The following KIAA1671 variants were observed in gnomAD, a reference collection of about 807,000 sequenced individuals.
KIAA1671 encodes the protein KIAA1671.
A neutral mutation model predicts 131.2 loss-of-function variants in KIAA1671; 52 were observed. That is an observed-to-expected ratio of 0.40 (90% CI 0.32 to 0.50). KIAA1671 has a LOEUF of 0.50. Ranked by LOEUF, KIAA1671 falls within the 20% of genes least tolerant of loss-of-function variation. The probability of loss-of-function intolerance (pLI) is 0.73; values close to 1 mark genes in which losing one functional copy is unlikely to be tolerated. For synonymous variants in KIAA1671, 1,003 were observed against 961.6 expected (o/e 1.04, Z -0.80); for missense variants, 2,360 against 2,364.2 (o/e 1.00, Z 0.04).
At chr22:25,184,674 T>C (rs1429734416) in intron 10 of KIAA1671, among the ~76,000 whole-genome samples, 1 of 152,174 alleles carries the variant, frequency 6.6e-6, no homozygotes, top group African/African-American at 2.4e-5. Flanking sequence ...GCTCTCTCCA[T>C]GTAGAGTTCT....
intron 1 of KIAA1671, among the ~76,000 whole-genome samples, chr22:24,987,662 G>A (rs538708198): frequency 6.6e-6 from 1 of 152,202 alleles, no homozygotes; most frequent in South Asian, 2.1e-4. Flanking sequence ...GTAGAGGTGG[G>A]GTCTTGCTGT....
intron 4 of KIAA1671, among the ~76,000 whole-genome samples, chr22:25,036,664 A>G (rs1217888457): frequency 1.3e-5 from 2 of 152,122 alleles, no homozygotes; most frequent in African/African-American, 4.8e-5. Flanking sequence ...CACACCTGTA[A>G]TCCCAGCACT....
intron 6 of KIAA1671, among the ~76,000 whole-genome samples, chr22:25,084,055 C>A (rs906760960): frequency 6.6e-6 from 1 of 152,246 alleles, no homozygotes. Context: ...GCAGGTCAGT[C>A]CCAGTAGTCT....
chr22:25,177,673 C>A (rs2146026158), intron 9 of KIAA1671, among the ~76,000 whole-genome samples, 151 bp downstream of exon 9: 1 of 152,152 alleles, frequency 6.6e-6, no homozygotes, highest in African/African-American at 2.4e-5. Flanking sequence ...ATGTCTTAAA[C>A]ACACAGGTGT....
At chr22:25,049,652 G>C in intron 6 of KIAA1671, 1 of 328,748 alleles carries the variant, frequency 3.0e-6, no homozygotes. Flanking sequence ...GGAAAGTCCT[G>C]GGTTCCAATC....
intron 1 of KIAA1671, among the ~76,000 whole-genome samples, chr22:24,997,764 G>T (rs1474776564): frequency 6.6e-6 from 1 of 152,138 alleles, no homozygotes; most frequent in Non-Finnish European, 1.5e-5. Context: ...CATCTTAGGT[G>T]TCAACTAGAC....
chr22:25,109,260 C>T (rs1931205602), intron 6 of KIAA1671, among the ~76,000 whole-genome samples: 1 of 152,094 alleles, frequency 6.6e-6, no homozygotes, highest in African/African-American at 2.4e-5. Context: ...CAGGTGCCTG[C>T]CACTGTGCCC....
intron 1 of KIAA1671, chr22:25,010,493 T>C (rs941184977): frequency 5.3e-5 from 8 of 152,216 alleles, no homozygotes; most frequent in African/African-American, 1.7e-4. Context: ...TATTTGCACA[T>C]TTATTGTGCA....
rs192827764 is a variant in KIAA1671, at chr22:25,121,748, C to T, written c.4531-49072C>T. On this transcript the variant is annotated intron_variant, in intron 6 of 12. Coordinates refer to ENST00000358431, the MANE Select transcript of KIAA1671 (RefSeq NM_001145206.2). ...ACACAGATATAATAGACATAAGTGA[C>T]GGCAAGCCCGTGGAAAATAATAAAA... 5.4e-4 allele frequency among the ~76,000 whole-genome samples: 82 copies of T among 152,256 alleles called. 1 individual carries two copies. The highest frequency in any genetic ancestry group is 3.3e-3 in the Admixed American group (51 of 15,288).
rs1035770151 is a variant in KIAA1671, at chr22:25,171,266, A to T, written c.4649+328A>T. Among the ~76,000 whole-genome samples the T allele has an allele frequency of 9.2e-5, 14 of 151,736 alleles. No individual in the cohort carries two copies. The East Asian group carries it at 2.5e-3, about 27-fold the overall frequency. On this transcript the variant is annotated intron_variant, in intron 7 of 12. Coordinates refer to ENST00000358431, the MANE Select transcript of KIAA1671 (RefSeq NM_001145206.2). ...ATACAAAAAATTAGCTGGGTGTGGC[A>T]GCGTACCCCTGTAATCCCAGCTACT...
intron 1 of KIAA1671, among the ~76,000 whole-genome samples, chr22:24,985,589 T>A (rs1326302634): frequency 6.6e-6 from 1 of 152,184 alleles, no homozygotes; most frequent in Non-Finnish European, 1.5e-5. Flanking sequence ...TCCGCCCACC[T>A]CGGCCTCCCA....
At position 25,194,592 on chromosome 22, in the gene KIAA1671, T is replaced by A. The variant is rs929509369; in HGVS notation, c.*2191T>A. On this transcript the variant is annotated 3_prime_UTR_variant, in exon 13 of 13. Transcript: ENST00000358431. ...GAATGAAACACACTTGAAAATGAGA[T>A]TGACCTGGAGATTTTTTTTCCCTAA... is the stretch of plus-strand genomic sequence containing the variant. 1 of 152,224 alleles carries A rather than the reference T, an allele frequency of 6.6e-6. No homozygotes were observed. Among genetic ancestry groups the A allele is most frequent in the East Asian group, 1.9e-4 (1 of 5,204 alleles). 9.4% of individuals were successfully genotyped at this position (152,224 alleles called of 1,614,324 possible).
At chr22:25,044,003 G>A (rs1375212964) in intron 5 of KIAA1671, among the ~76,000 whole-genome samples, 1 of 129,060 alleles carries the variant, frequency 7.7e-6, no homozygotes, top group Admixed American at 7.2e-5. Context: ...GAAACTCTAG[G>A]ATACAGTCAG....
intron 1 of KIAA1671, among the ~76,000 whole-genome samples, chr22:24,979,369 A>G (rs1923105501): frequency 8.6e-6 from 1 of 116,518 alleles, no homozygotes; most frequent in African/African-American, 3.6e-5. Flanking sequence ...TTTTTTTTTG[A>G]GACGGAGTCT....
intron 1 of KIAA1671, among the ~76,000 whole-genome samples, chr22:24,987,987 C>T (rs969774412): frequency 6.6e-6 from 1 of 152,158 alleles, no homozygotes; most frequent in Admixed American, 6.6e-5. Flanking sequence ...GTCAAGACTC[C>T]TGCCTGGGCG....
chr22:25,047,082 C>T (rs1276690158), intron 5 of KIAA1671, among the ~76,000 whole-genome samples: 1 of 151,536 alleles, frequency 6.6e-6, no homozygotes, highest in Non-Finnish European at 1.5e-5. Context: ...GCAGTCCTCC[C>T]ACCTCAGCCT....
Position 25,029,434 on chromosome 22 carries a change from G to C in KIAA1671, c.1435G>C (p.Val479Leu). Residue 479 changes from valine (V) to leucine (L), a missense_variant, in exon 3 of 13, where the codon GTT becomes CTT. This residue lies in a region of KIAA1671 where 1,185 missense variants were observed against 1,126.2 expected (regional missense o/e 1.05). Transcript: ENST00000358431. ...APEPEKGVVS[V>L]QERIRGWTAE... ...AGAGCCGGAGAAAGGGGTTGTGAGCGTTCAGGAACGGATCAGAGGCTGGAC... is the reference window on the plus strand; with the variant it reads ...AGAGCCGGAGAAAGGGGTTGTGAGCCTTCAGGAACGGATCAGAGGCTGGAC... The C allele has an allele frequency of 6.4e-7, 1 of 1,551,470 alleles. No homozygotes were observed. Among genetic ancestry groups the C allele is most frequent in the Non-Finnish European group, 8.7e-7 (1 of 1,146,866 alleles).
rs1934696893 is a variant in KIAA1671, at chr22:25,192,413, A to G, written c.*12A>G. 6.6e-6 allele frequency: 1 copy of G among 152,214 alleles called. No homozygotes were observed. The highest frequency in any genetic ancestry group is 2.4e-5 in the African/African-American group (1 of 41,434). 9.4% of individuals were successfully genotyped at this position (152,214 alleles called of 1,614,324 possible). ...CTGTCCCTTCCTCTCCAGGCAGGGA[A>G]CACTGCCACATCTACGTAACAGAAG... On this transcript the variant is annotated 3_prime_UTR_variant, in exon 13 of 13. Transcript: ENST00000358431.
intron 1 of KIAA1671, among the ~76,000 whole-genome samples, chr22:24,953,715 G>A (rs572895666): frequency 2.0e-4 from 30 of 152,118 alleles, no homozygotes; most frequent in South Asian, 1.2e-3. Context: ...TGGGGACGCC[G>A]CGCCTTAAAA....
Sources: allele counts gnomAD v4.1 joint callset (sites outside exome capture counted in the v4.1 genomes callset), GRCh38; gene constraint gnomAD v4.1.1; regional missense constraint gnomAD v4.1.1; transcripts MANE v1.5; gene names NCBI Gene and HGNC (gene_info 2026-07-23, HGNC 2026-07-21).